ANKS1B: variants seen among roughly 807,000 people sequenced by gnomAD.
ANKS1B encodes the protein ankyrin repeat and sterile alpha motif domain containing 1B, also known as ankyrin repeat and sterile alpha motif domain-containing protein 1B.
In ANKS1B, 36 loss-of-function variants were observed where a neutral mutation model predicts 148.3. That is an observed-to-expected ratio of 0.24 (90% CI 0.19 to 0.32). The LOEUF is 0.32. Among genes scored for constraint, ANKS1B ranks in the 10% least tolerant of loss-of-function variants. The probability of loss-of-function intolerance (pLI) is 1.00; values close to 1 mark genes in which losing one functional copy is unlikely to be tolerated. For missense variants in ANKS1B, 1,157 were observed against 1,542.6 expected, an observed-to-expected ratio of 0.75 and a Z score of 4.19; for synonymous variants, 542 against 560.8, an observed-to-expected ratio of 0.97 and a Z score of 0.47.
At chr12:99,461,343 T>G (rs1374098372) in intron 10 of ANKS1B, among the ~76,000 whole-genome samples, 1 of 152,106 alleles carries the variant, frequency 6.6e-6, no homozygotes, top group African/African-American at 2.4e-5. Flanking sequence ...GTTCAGGTGA[T>G]GAGTACACCA....
chr12:99,609,595 T>A (rs1474344385), intron 9 of ANKS1B, among the ~76,000 whole-genome samples: 1 of 151,358 alleles, frequency 6.6e-6, no homozygotes, highest in Non-Finnish European at 1.5e-5. Flanking sequence ...ACAGAGAGCA[T>A]TCAGGGACCT....
At chr12:99,797,844 A>G (rs1210165938) in intron 4 of ANKS1B, among the ~76,000 whole-genome samples, 2 of 152,002 alleles carry the variant, frequency 1.3e-5, no homozygotes, top group Non-Finnish European at 2.9e-5. Context: ...GAAAAACAAG[A>G]TAAGTCGCAA....
chr12:98,867,214 A>G (rs977777792), intron 17 of ANKS1B, among the ~76,000 whole-genome samples: 1 of 152,142 alleles, frequency 6.6e-6, no homozygotes, highest in African/African-American at 2.4e-5. Context: ...TTCCAGGTCA[A>G]CTGGATTACT....
At chr12:99,588,793 C>T (rs2097669938) in intron 9 of ANKS1B, among the ~76,000 whole-genome samples, 1 of 152,164 alleles carries the variant, frequency 6.6e-6, no homozygotes, top group Admixed American at 6.5e-5. Context: ...GCTTTCTCCA[C>T]TTTCATCTTA....
chr12:98,860,700 CA>C (rs1224244145), intron 17 of ANKS1B, among the ~76,000 whole-genome samples: 1 of 152,032 alleles, frequency 6.6e-6, no homozygotes, highest in Non-Finnish European at 1.5e-5. Flanking sequence ...GGGAGGGGAA[CA>C]ACACACACTG....
Position 98,869,274 on chromosome 12 carries a change from C to A in ANKS1B, c.2779-37138G>T, listed in dbSNP as rs191169358. On this transcript the variant is annotated intron_variant, in intron 17 of 26. Coordinates refer to ENST00000683438, the MANE Select transcript of ANKS1B (RefSeq NM_001352186.2). ...ACATATTTATTAAGAAGTGAATAGA[C>A]CCAAGGCCTGGGATGAAGTTTCTGT... Among the ~76,000 whole-genome samples the A allele has an allele frequency of 2.4e-4, 36 of 152,258 alleles. No homozygotes were observed. The East Asian group carries it at 6.8e-3, about 29-fold the overall frequency.
chr12:98,896,659 A>G (rs954854965), intron 17 of ANKS1B, among the ~76,000 whole-genome samples: 5 of 152,250 alleles, frequency 3.3e-5, no homozygotes, highest in African/African-American at 1.2e-4. Flanking sequence ...TACATGTAAC[A>G]TGTAAAATAA....
At chr12:98,741,029 T>C (rs1438102086), downstream of ANKS1B, among the ~76,000 whole-genome samples, 2 of 152,190 alleles carry the variant, frequency 1.3e-5, no homozygotes, top group Non-Finnish European at 2.9e-5. Context: ...AATGATATCA[T>C]AAAGCTACAA....
chr12:99,984,273 C>T lies in ANKS1B; in HGVS notation c.-36G>A. 6.3e-7 allele frequency: 1 copy of T among 1,586,818 alleles called. No individual in the cohort carries two copies. The highest frequency in any genetic ancestry group is 1.7e-5 in the Admixed American group (1 of 58,616). Reference sequence around the variant, plus strand: ...CGACTCCCCCACAGAGTCCTTGCCCCCCTCGGGTCCTCCTCCCCACCCACC... The same window carrying T: ...CGACTCCCCCACAGAGTCCTTGCCCTCCTCGGGTCCTCCTCCCCACCCACC... On this transcript the variant is annotated 5_prime_UTR_variant, in exon 1 of 27. Coordinates refer to ENST00000683438, the MANE Select transcript of ANKS1B (RefSeq NM_001352186.2).
At chr12:98,855,053 G>C (rs1354394547) in intron 17 of ANKS1B, among the ~76,000 whole-genome samples, 1 of 151,886 alleles carries the variant, frequency 6.6e-6, no homozygotes, top group African/African-American at 2.4e-5. Context: ...TAGCTACTCG[G>C]GAGGCTGAGG....
chr12:99,119,853 C>T (rs954093364), intron 15 of ANKS1B, among the ~76,000 whole-genome samples: 13 of 152,152 alleles, frequency 8.5e-5, no homozygotes, highest in African/African-American at 3.1e-4. Context: ...AATTTGACCA[C>T]AGTCAAATCA....
chr12:98,850,937 C>T lies in ANKS1B; in HGVS notation c.2779-18801G>A, dbSNP rs182738028. Among the ~76,000 whole-genome samples the T allele has an allele frequency of 2.1e-4, 32 of 152,240 alleles. No homozygotes were observed. The East Asian group carries it at 4.6e-3, about 22-fold the overall frequency. ...CACAGAGTTCTATTACTTTTGCTACCTAATATGCAAAACACTAAAGGAAGA... is the reference window on the plus strand; with the variant it reads ...CACAGAGTTCTATTACTTTTGCTACTTAATATGCAAAACACTAAAGGAAGA... On this transcript the variant is annotated intron_variant, in intron 17 of 26. Transcript: ENST00000683438.
intron 24 of ANKS1B, among the ~76,000 whole-genome samples, chr12:98,777,657 T>C (rs1486396369): frequency 6.6e-6 from 1 of 152,256 alleles, no homozygotes; most frequent in African/African-American, 2.4e-5. Context: ...GTTCCACTTT[T>C]AATTCAAGAT....
intron 17 of ANKS1B, among the ~76,000 whole-genome samples, chr12:98,837,618 C>G (rs2099382195): frequency 6.6e-6 from 1 of 152,168 alleles, no homozygotes; most frequent in Non-Finnish European, 1.5e-5. Context: ...TATCACGTCA[C>G]TGCTGTTTAT....
chr12:99,981,091 A>T (rs2095695612), intron 1 of ANKS1B, among the ~76,000 whole-genome samples: 1 of 152,064 alleles, frequency 6.6e-6, no homozygotes, highest in South Asian at 2.1e-4. Flanking sequence ...TTAGTCATTA[A>T]GGCCTTAAAG....
At chr12:99,209,885 C>A (rs1348024540) in intron 14 of ANKS1B, among the ~76,000 whole-genome samples, 62 of 152,288 alleles carry the variant, frequency 4.1e-4, no homozygotes, top group Admixed American at 4.1e-3. Flanking sequence ...AACCTCCCCT[C>A]TGGCCAGAGA....
chr12:99,922,932 G>T (rs2094395565), intron 1 of ANKS1B, among the ~76,000 whole-genome samples: 1 of 137,192 alleles, frequency 7.3e-6, no homozygotes. Context: ...TCAGCCTCCA[G>T]AACTATAAAA....
At chr12:99,395,094 C>T (rs2094202039) in intron 12 of ANKS1B, among the ~76,000 whole-genome samples, 1 of 152,130 alleles carries the variant, frequency 6.6e-6, no homozygotes, top group African/African-American at 2.4e-5. Flanking sequence ...AACATCTCTC[C>T]ATTTCTCTCT....
chr12:98,939,534 T>G (rs2099832004), intron 17 of ANKS1B, among the ~76,000 whole-genome samples: 1 of 152,238 alleles, frequency 6.6e-6, no homozygotes, highest in African/African-American at 2.4e-5. Flanking sequence ...TTGAGGCTTC[T>G]TTTTTCCTTG....
Sources: allele counts gnomAD v4.1 joint callset (sites outside exome capture counted in the v4.1 genomes callset), GRCh38; gene constraint gnomAD v4.1.1; transcripts MANE v1.5; gene names NCBI Gene and HGNC (gene_info 2026-07-23, HGNC 2026-07-21).